The following ITPRID1 variants were observed in gnomAD, a reference collection of about 807,000 sequenced individuals.
ITPRID1 encodes the protein protein ITPRID1.
ITPRID1 carries 96 observed loss-of-function variants against 95.4 expected under a neutral mutation model. The observed-to-expected ratio is 1.01, with a 90% CI of 0.85 to 1.19. The LOEUF is 1.19. Ranked by LOEUF, ITPRID1 falls within the 50% of genes most tolerant of loss-of-function variation. The pLI, the probability that ITPRID1 is intolerant of heterozygous loss-of-function variation, is 0.00. For synonymous variants in ITPRID1, 510 were observed against 453.6 expected (o/e 1.12, Z -1.58); for missense variants, 1,339 against 1,252.9 (o/e 1.07, Z -1.04).
intron 10 of ITPRID1, among the ~76,000 whole-genome samples, chr7:31,638,876 G>C (rs970316439): frequency 6.6e-6 from 1 of 151,902 alleles, no homozygotes; most frequent in Non-Finnish European, 1.5e-5. Flanking sequence ...TCCCAGGTTC[G>C]AGCAATTCTT....
Position 31,643,907 on chromosome 7 carries a change from C to T in ITPRID1, c.2537C>T (p.Thr846Met), listed in dbSNP as rs147673017. The T allele has an allele frequency of 7.4e-6, 12 of 1,613,742 alleles. No homozygotes were observed. The highest frequency in any genetic ancestry group is 1.3e-5 in the African/African-American group (1 of 75,044). Residue 846 changes from threonine (T) to methionine (M), a missense_variant, in exon 12 of 15, where the codon ACG becomes ATG. Thr to Met is a moderately conservative substitution (Grantham distance 81). Coordinates refer to ENST00000615280, the MANE Select transcript of ITPRID1 (RefSeq NM_001257967.3). ...GGTCACCAGGAAGCCCAGTTCATGA[C>T]GACTTTGAAAGCCCTTCAGGACACT... The part of the protein sequence containing the change: ...LTGHQEAQFM[T>M]TLKALQDTTV...
At chr7:31,550,386 A>AATT (rs1448376910) in intron 2 of ITPRID1, among the ~76,000 whole-genome samples, 2 of 152,132 alleles carry the variant, frequency 1.3e-5, no homozygotes, top group Non-Finnish European at 2.9e-5. Flanking sequence ...TCTTGGGGAC[A>AATT]AGTCAAAGAA....
chr7:31,598,458 C>T (rs956613580), intron 10 of ITPRID1, among the ~76,000 whole-genome samples: 14 of 130,348 alleles, frequency 1.1e-4, no homozygotes, highest in Non-Finnish European at 2.0e-4. Flanking sequence ...GGCTGGAGTG[C>T]AGTGGCGCTA....
At chr7:31,651,655 G>T (rs1410591813) in intron 13 of ITPRID1, among the ~76,000 whole-genome samples, 4 of 152,096 alleles carry the variant, frequency 2.6e-5, no homozygotes, top group Admixed American at 2.6e-4. Context: ...TGGGGAAATA[G>T]AAGTGTTTTA....
At chr7:31,528,874 T>C (rs1349269146) in intron 1 of ITPRID1, among the ~76,000 whole-genome samples, 3 of 152,208 alleles carry the variant, frequency 2.0e-5, no homozygotes, top group African/African-American at 7.2e-5. Context: ...TAAACTCTAA[T>C]AATGCAGCTT....
chr7:31,602,992 G>A (rs34585370), intron 10 of ITPRID1, among the ~76,000 whole-genome samples: 5,217 of 149,532 alleles, frequency 0.035, 136 homozygotes, highest in Middle Eastern at 0.052. Context: ...CCCCCTCATC[G>A]CATCTTTCCT....
At chr7:31,553,877 C>A (rs954813975) in intron 3 of ITPRID1, among the ~76,000 whole-genome samples, 1 of 152,198 alleles carries the variant, frequency 6.6e-6, no homozygotes, top group Non-Finnish European at 1.5e-5. Context: ...GCTTTACATC[C>A]TCTCCTTTTT....
At chr7:31,592,143 T>C (rs1253442207) in intron 10 of ITPRID1, among the ~76,000 whole-genome samples, 1 of 152,126 alleles carries the variant, frequency 6.6e-6, no homozygotes, top group Non-Finnish European at 1.5e-5. Flanking sequence ...ATAATGTCAC[T>C]CTCAAAGATA....
chr7:31,536,143 T>A (rs1348697589), intron 1 of ITPRID1, among the ~76,000 whole-genome samples: 3 of 152,154 alleles, frequency 2.0e-5, no homozygotes, highest in Non-Finnish European at 2.9e-5. Flanking sequence ...AGATCTTGGA[T>A]GTTAGGTTCC....
At chr7:31,522,128 C>T (rs1783284125) in intron 1 of ITPRID1, among the ~76,000 whole-genome samples, 1 of 152,148 alleles carries the variant, frequency 6.6e-6, no homozygotes, top group Non-Finnish European at 1.5e-5. Context: ...TTACTCATCT[C>T]ATTACTGAGT....
downstream of ITPRID1, among the ~76,000 whole-genome samples, chr7:31,657,470 C>G (rs909496143): frequency 6.6e-6 from 1 of 152,198 alleles, no homozygotes; most frequent in Non-Finnish European, 1.5e-5. Flanking sequence ...GCATCTGACG[C>G]TTGTAGTCAG....
At chr7:31,546,758 A>C (rs1784111540) in intron 1 of ITPRID1, among the ~76,000 whole-genome samples, 1 of 152,178 alleles carries the variant, frequency 6.6e-6, no homozygotes, top group Admixed American at 6.6e-5. Flanking sequence ...GTTAAACATA[A>C]GTGGAACACA....
At chr7:31,595,070 C>CTTTTTTTTTTTT (rs958852739) in intron 10 of ITPRID1, among the ~76,000 whole-genome samples, 1 of 127,444 alleles carries the variant, frequency 7.8e-6, no homozygotes. Flanking sequence ...TTTATAATTT[C>CTTTTTTTTTTTT]TTTTTTTTTT....
At chr7:31,613,042 A>T (rs1174593403) in intron 10 of ITPRID1, among the ~76,000 whole-genome samples, 1 of 152,188 alleles carries the variant, frequency 6.6e-6, no homozygotes, top group Non-Finnish European at 1.5e-5. Flanking sequence ...AGGCCTACTG[A>T]ATGGGCTTTG....
At chr7:31,552,656 T>G (rs1279116256) in intron 2 of ITPRID1, among the ~76,000 whole-genome samples, 1 of 152,156 alleles carries the variant, frequency 6.6e-6, no homozygotes, top group Non-Finnish European at 1.5e-5. Context: ...ATATAACTGT[T>G]AGGTAAATTT....
At chr7:31,625,312 C>A (rs967987952) in intron 10 of ITPRID1, among the ~76,000 whole-genome samples, 2 of 151,916 alleles carry the variant, frequency 1.3e-5, no homozygotes, top group Non-Finnish European at 2.9e-5. Flanking sequence ...GCTATAAAGA[C>A]ACATGCACTC....
chr7:31,516,529 C>A (rs1049778824), intron 1 of ITPRID1, among the ~76,000 whole-genome samples: 1 of 152,046 alleles, frequency 6.6e-6, no homozygotes, highest in African/African-American at 2.4e-5. Flanking sequence ...GTTAGAGATG[C>A]CATAGCTCAG....
intron 10 of ITPRID1, among the ~76,000 whole-genome samples, chr7:31,599,821 G>A (rs1166298422): frequency 2.6e-5 from 4 of 151,408 alleles, no homozygotes; most frequent in Non-Finnish European, 5.9e-5. Context: ...TCAGCCTCCC[G>A]AGTAGCTGGG....
At chr7:31,578,960 T>G (rs1785299644) in intron 9 of ITPRID1, among the ~76,000 whole-genome samples, 1 of 152,186 alleles carries the variant, frequency 6.6e-6, no homozygotes, top group Non-Finnish European at 1.5e-5. Context: ...CCACAATGCC[T>G]AACACAGGGC....
Sources: gnomAD v4.1 joint callset for allele counts (sites outside exome capture counted in the v4.1 genomes callset) on GRCh38, gnomAD v4.1.1 for gene constraint, MANE v1.5 for transcripts, NCBI Gene and HGNC (gene_info 2026-07-23, HGNC 2026-07-21) for gene names.